Variants in ARHGEF3 observed in about 807,000 individuals in gnomAD.
ARHGEF3 encodes the protein 59.8 kDA protein.
ARHGEF3 carries 28 observed loss-of-function variants against 63.2 expected under a neutral mutation model. That is an observed-to-expected ratio of 0.44 (90% CI 0.33 to 0.61). ARHGEF3 has a LOEUF of 0.61. Ranked by LOEUF, ARHGEF3 falls within the 20% of genes least tolerant of loss-of-function variation. The pLI, the probability that ARHGEF3 is intolerant of heterozygous loss-of-function variation, is 0.03. For missense variants in ARHGEF3, 533 were observed against 659.3 expected, an observed-to-expected ratio of 0.81 and a Z score of 2.10; for synonymous variants, 266 against 254.2, an observed-to-expected ratio of 1.05 and a Z score of -0.44.
At chr3:57,076,885 C>A (rs7612293) in intron 1 of ARHGEF3, 68,987 of 151,904 alleles carry the variant, frequency 0.45, 17,047 homozygotes, top group Middle Eastern at 0.56. Flanking sequence ...TGGATGCACA[C>A]AATAAACCTA....
intron 3 of ARHGEF3, among the ~76,000 whole-genome samples, chr3:56,920,126 GA>G (rs1475469111): frequency 7.2e-5 from 11 of 152,028 alleles, no homozygotes; most frequent in Non-Finnish European, 1.5e-4. Context: ...TTAAAAGGGG[GA>G]AAAAAACCTA....
At chr3:56,785,463 A>G (rs2036756607) in intron 1 of ARHGEF3, among the ~76,000 whole-genome samples, 1 of 152,178 alleles carries the variant, frequency 6.6e-6, no homozygotes, top group African/African-American at 2.4e-5. Flanking sequence ...CAGTCTTGCC[A>G]GATCCCAATA....
intron 2 of ARHGEF3, among the ~76,000 whole-genome samples, chr3:56,990,889 A>C (rs1701721692): frequency 6.6e-6 from 1 of 152,136 alleles, no homozygotes; most frequent in African/African-American, 2.4e-5. Context: ...AATCCTGCCT[A>C]AGGGGTCAGG....
At chr3:56,882,502 A>G (rs1434115116) in intron 3 of ARHGEF3, 5 of 573,818 alleles carry the variant, frequency 8.7e-6, no homozygotes, top group Non-Finnish European at 1.5e-5. Context: ...ATGTAAATGA[A>G]CACTTCTTTT....
chr3:56,850,056 A>G (rs75242343), intron 4 of ARHGEF3, among the ~76,000 whole-genome samples: 16,436 of 151,874 alleles, frequency 0.11, 1,163 homozygotes, highest in Non-Finnish European at 0.15. Context: ...CCCCCTCACC[A>G]GTAACACACA....
At chr3:56,749,366 G>A (rs1404829432) in intron 6 of ARHGEF3, among the ~76,000 whole-genome samples, 1 of 152,216 alleles carries the variant, frequency 6.6e-6, no homozygotes, top group Non-Finnish European at 1.5e-5. Flanking sequence ...TTACTAACAA[G>A]GCAAATTCCT....
chr3:57,013,611 G>T (rs531584735), intron 2 of ARHGEF3, among the ~76,000 whole-genome samples: 1 of 152,200 alleles, frequency 6.6e-6, no homozygotes, highest in African/African-American at 2.4e-5. Context: ...TCTAGCTGGA[G>T]GATTGTAAAT....
chr3:56,845,058 C>T (rs2039440568), intron 4 of ARHGEF3, among the ~76,000 whole-genome samples: 1 of 152,180 alleles, frequency 6.6e-6, no homozygotes, highest in African/African-American at 2.4e-5. Context: ...CTGAAAGTGG[C>T]CTCCTGGAGC....
intron 2 of ARHGEF3, among the ~76,000 whole-genome samples, chr3:57,000,233 C>G (rs940826808): frequency 6.6e-6 from 1 of 152,050 alleles, no homozygotes; most frequent in Non-Finnish European, 1.5e-5. Flanking sequence ...AATGACTTCT[C>G]AGTGCATCAC....
At chr3:56,978,108 C>T (rs918828931) in intron 2 of ARHGEF3, among the ~76,000 whole-genome samples, 1 of 152,198 alleles carries the variant, frequency 6.6e-6, no homozygotes, top group Non-Finnish European at 1.5e-5. Context: ...ACCCCCGCCC[C>T]GTACTAGGCT....
chr3:56,844,026 T>A (rs2039404038), intron 4 of ARHGEF3, among the ~76,000 whole-genome samples: 1 of 152,170 alleles, frequency 6.6e-6, no homozygotes, highest in African/African-American at 2.4e-5. Context: ...GAGAATAATA[T>A]CTACCTTTCC....
intron 4 of ARHGEF3, among the ~76,000 whole-genome samples, chr3:56,817,850 C>T (rs954000760): frequency 2.0e-5 from 3 of 152,190 alleles, no homozygotes; most frequent in Non-Finnish European, 4.4e-5. Flanking sequence ...CCCAGCATGC[C>T]CCGTACCCAC....
chr3:56,759,101 T>C (rs2035267317), intron 2 of ARHGEF3, among the ~76,000 whole-genome samples: 1 of 152,120 alleles, frequency 6.6e-6, no homozygotes, highest in Non-Finnish European at 1.5e-5. Context: ...CTCCTAGAAG[T>C]AACAACTGTT....
At chr3:56,965,822 G>A (rs952620438) in intron 2 of ARHGEF3, among the ~76,000 whole-genome samples, 2 of 151,710 alleles carry the variant, frequency 1.3e-5, no homozygotes, top group Non-Finnish European at 2.9e-5. Context: ...CTAATTTTTT[G>A]TATTTTTATT....
intron 2 of ARHGEF3, among the ~76,000 whole-genome samples, chr3:56,967,083 G>T (rs188750357): frequency 1.4e-5 from 2 of 147,804 alleles, no homozygotes; most frequent in African/African-American, 4.9e-5. Context: ...GGTTGGTCTC[G>T]AACTCCCGAC....
At chr3:56,754,719 T>G (rs1466733141) in intron 3 of ARHGEF3, among the ~76,000 whole-genome samples, 1 of 152,250 alleles carries the variant, frequency 6.6e-6, no homozygotes, top group South Asian at 2.1e-4. Flanking sequence ...TTTGTGAACT[T>G]CAGAATCCTA....
chr3:56,935,193 A>G (rs565583526), intron 3 of ARHGEF3, among the ~76,000 whole-genome samples: 15 of 152,254 alleles, frequency 9.9e-5, no homozygotes, highest in African/African-American at 3.6e-4. Flanking sequence ...GCACCAATCG[A>G]CACTCTGTAT....
At chr3:56,873,082 T>G (rs1328104845) in intron 4 of ARHGEF3, among the ~76,000 whole-genome samples, 1 of 152,174 alleles carries the variant, frequency 6.6e-6, no homozygotes, top group Non-Finnish European at 1.5e-5. Context: ...CACTGCAGTC[T>G]CTGCCTCCTG....
chr3:56,864,360 A>G (rs1286671602), intron 4 of ARHGEF3, among the ~76,000 whole-genome samples: 1 of 152,194 alleles, frequency 6.6e-6, no homozygotes, highest in East Asian at 1.9e-4. Context: ...TCCCAAGGTC[A>G]CAGCTCTTTC....
Sources: gnomAD v4.1 joint callset for allele counts (sites outside exome capture counted in the v4.1 genomes callset) on GRCh38, gnomAD v4.1.1 for gene constraint, MANE v1.5 for transcripts, NCBI Gene and HGNC (gene_info 2026-07-23, HGNC 2026-07-21) for gene names.